Variants in SGSH observed in about 807,000 individuals in gnomAD.
SGSH encodes the protein heparan sulfate sulfatase.
In SGSH, 48 loss-of-function variants were observed where a neutral mutation model predicts 51.0. The observed-to-expected ratio is 0.94, with a 90% confidence interval of 0.75 to 1.20. SGSH has a LOEUF of 1.20. Among genes scored for constraint, SGSH ranks in the 50% most tolerant of loss-of-function variants. SGSH has a pLI of 0.00. For missense variants in SGSH, 662 were observed against 717.8 expected (o/e 0.92, Z 0.89); for synonymous variants, 321 against 313.4 (o/e 1.02, Z -0.26).
rs763466630 is a variant in SGSH at position 80,211,880 on chromosome 17, T to A, written c.949+191A>T. The A allele has an allele frequency of 2.5e-5, 16 of 639,720 alleles. No individual in the cohort carries two copies. In the South Asian group the frequency reaches 2.8e-4, roughly 11 times the overall value. 39.6% of individuals were successfully genotyped at this position (639,720 alleles called of 1,614,324 possible). On this transcript the variant is annotated intron_variant, in intron 7 of 7. Coordinates refer to ENST00000326317, the MANE Select transcript of SGSH (RefSeq NM_000199.5). ...AGCTTAGTGCTTACCAGCTGTGCAA[T>A]CCTGAGCAGCTTACTTCACCTCTCT...
downstream of SGSH, chr17:80,204,588 C>T (rs942276231): frequency 1.9e-5 from 8 of 416,020 alleles, no homozygotes; most frequent in Admixed American, 2.6e-4. Flanking sequence ...GGTGCCATTG[C>T]ACTCCAGCCT....
intron 2 of SGSH, chr17:80,216,718 C>T: frequency 2.3e-6 from 1 of 433,948 alleles, no homozygotes; most frequent in Non-Finnish European, 4.3e-6. Flanking sequence ...ACATACAAAG[C>T]ATTAGCCCCG....
chr17:80,212,498 G>T lies in SGSH; in HGVS notation c.746-224C>A. 1 of 598,586 alleles carries T rather than the reference G, an allele frequency of 1.7e-6. No homozygotes were observed. 37.1% of individuals were successfully genotyped at this position (598,586 alleles called of 1,614,324 possible). ...AGCAGGCCTCGAATGGGCCTCCAGG[G>T]ACTCCAGCCATCCCTTGGCACTTCT... On this transcript the variant is annotated intron_variant, in intron 6 of 7. Transcript: ENST00000326317. This position sits in a 1 kb window ranked among gnomAD's most constrained non-coding sequence, Gnocchi z 5.9.
chr17:80,218,615 G>A (rs6565649), intron 1 of SGSH, among the ~76,000 whole-genome samples: 72,247 of 152,120 alleles, frequency 0.47, 18,484 homozygotes, highest in African/African-American at 0.66. Context: ...TGGCAGCCAC[G>A]TAAACCTGGA....
Position 80,215,156 on chromosome 17 carries a change from T to G in SGSH, c.250-18A>C. The G allele has an allele frequency of 6.3e-7, 1 of 1,599,220 alleles. No homozygotes were observed. Among genetic ancestry groups the G allele is most frequent in the Non-Finnish European group, 8.5e-7 (1 of 1,172,176 alleles). Reference sequence around the variant, plus strand: ...TTCTGATGCTGCCAGCAAAGGCGCATGAGGTCCGGGGCCCCCGGACAGCCA... The same window carrying G: ...TTCTGATGCTGCCAGCAAAGGCGCAGGAGGTCCGGGGCCCCCGGACAGCCA... On this transcript the variant is annotated intron_variant, in intron 2 of 7. Transcript: ENST00000326317.
downstream of SGSH, among the ~76,000 whole-genome samples, chr17:80,207,360 G>A (rs1431100473): frequency 6.6e-6 from 1 of 152,188 alleles, no homozygotes; most frequent in Non-Finnish European, 1.5e-5. Flanking sequence ...AGACCAGCCT[G>A]GCCAACATGG....
the SGSH span, chr17:80,201,592 GGTGT>G: frequency 1.3e-6 from 1 of 758,706 alleles, no homozygotes; most frequent in East Asian, 2.4e-5. The surrounding 1 kb of genome is among the most constrained non-coding windows in gnomAD (Gnocchi z 5.0). Context: ...CAGAGGCTCT[GGTGT>G]GTGGCTTTGT....
At chr17:80,208,140 AGGGCCTACAGCGGTT>A, downstream of SGSH, 4 of 1,536,548 alleles carry the variant, frequency 2.6e-6, no homozygotes, top group East Asian at 9.9e-5. Context: ...CTGTGCAGGA[AGGGCCTACAGCGGTT>A]GGGCACCTCA....
At chr17:80,208,663 C>T (rs2041488696), downstream of SGSH, 4 of 281,240 alleles carry the variant, frequency 1.4e-5, no homozygotes, top group South Asian at 4.8e-4. Context: ...GAACCGGAGG[C>T]CCCGGACTTC....
At chr17:80,208,498 C>T, downstream of SGSH, 3 of 643,584 alleles carry the variant, frequency 4.7e-6, no homozygotes, top group Non-Finnish European at 2.6e-6. Flanking sequence ...TGAACCCTCA[C>T]CACGTGCAGG....
At chr17:80,214,124 C>A in intron 5 of SGSH, 48 bp downstream of exon 5, 1 of 1,570,744 alleles carries the variant, frequency 6.4e-7, no homozygotes, top group East Asian at 2.3e-5. Flanking sequence ...CCAGGGTCCC[C>A]GACCCAGGGC....
At position 80,213,761 on chromosome 17, in the gene SGSH, C is replaced by T. The variant is rs1172302407; in HGVS notation, c.745+43G>A. The T allele has an allele frequency of 6.5e-7, 1 of 1,527,042 alleles. No homozygotes were observed. The highest frequency in any genetic ancestry group is 1.2e-5 in the South Asian group (1 of 85,262). The allele number at this position is 1,527,042 out of a possible 1,614,324, so 94.6% of individuals were successfully genotyped here. A position where few individuals can be genotyped will look rare whatever the true frequency, so the allele number is the denominator to read the frequency against. On this transcript the variant is annotated intron_variant, in intron 6 of 7. Coordinates refer to ENST00000326317, the MANE Select transcript of SGSH (RefSeq NM_000199.5). The surrounding 1 kb of genome is among the most constrained non-coding windows in gnomAD (Gnocchi z 4.6). ...GGGCGCTGGCCCAGGATGGGGGACC[C>T]CGGCCGTGGCACCCCCTCCAGTGCC...
At chr17:80,203,776 A>G, downstream of SGSH, 1 of 1,501,020 alleles carries the variant, frequency 6.7e-7, no homozygotes. This position sits in a 1 kb window ranked among gnomAD's most constrained non-coding sequence, Gnocchi z 4.6. Flanking sequence ...TGCCCTGCTC[A>G]CCTGGCAGGA....
At chr17:80,216,761 C>T (rs941147096) in intron 2 of SGSH, 51 of 529,866 alleles carry the variant, frequency 9.6e-5, no homozygotes, top group Admixed American at 9.5e-5. Context: ...CATCTCATTA[C>T]ACCCACCATC....
rs2144736428 is a variant in SGSH at position 80,213,883 on chromosome 17, C to T, written c.666G>A (p.Val222=). 1 of 1,606,698 alleles carries T rather than the reference C, an allele frequency of 6.2e-7. No individual in the cohort carries two copies. Among genetic ancestry groups the T allele is most frequent in the Non-Finnish European group, 8.5e-7 (1 of 1,179,078 alleles). ...PQAYDPLDVL[V]PYFVPNTPAA... is the part of the protein sequence containing the mutation. ...CCGGGGTGTTGGGGACGAAGTAAGG[C>T]ACCTGGGGCAGGCGGTGGGGAGCCA... Residue 222 remains valine (V), a splice_region_variant and synonymous_variant, in exon 6 of 8, where the codon GTG becomes GTA. Coordinates refer to ENST00000326317, the MANE Select transcript of SGSH (RefSeq NM_000199.5). This position sits in a 1 kb window ranked among gnomAD's most constrained non-coding sequence, Gnocchi z 4.6.
rs757723989 is a variant in SGSH, at chr17:80,210,908, C to T, written c.1053G>A (p.Ala351=). The T allele has an allele frequency of 5.0e-6, 8 of 1,610,684 alleles. No homozygotes were observed. The Admixed American group carries it at 6.7e-5, about 13-fold the overall frequency. Residue 351 remains alanine (A), a synonymous_variant, in exon 8 of 8, where the codon GCG becomes GCA. Transcript: ENST00000326317. ...IHLTGRSLLP[A]LEAEPLWATV... Reference sequence around the variant, plus strand: ...TGGCCCAGAGGGGCTCGGCCTCCAGCGCCGGCAGGAGGGACCGGCCAGTGA... The same window carrying T: ...TGGCCCAGAGGGGCTCGGCCTCCAGTGCCGGCAGGAGGGACCGGCCAGTGA...
chr17:80,204,080 G>A (rs2041139861), downstream of SGSH: 1 of 866,756 alleles, frequency 1.2e-6, no homozygotes, highest in Admixed American at 2.8e-5. Flanking sequence ...TCTTGCACAA[G>A]TGCAGACACA....
downstream of SGSH, chr17:80,204,963 C>A: frequency 7.5e-7 from 1 of 1,340,484 alleles, no homozygotes; most frequent in South Asian, 1.5e-5. Flanking sequence ...AGACCCAGTC[C>A]CTCCCGGGGC....
At chr17:80,211,191 G>T (rs1269525046) in intron 7 of SGSH, 180 bp from the exon 8 acceptor site, 1 of 1,480,086 alleles carries the variant, frequency 6.8e-7, no homozygotes, top group Non-Finnish European at 8.9e-7. Flanking sequence ...TCAGTGCCTT[G>T]AATGGTATAA....
Sources: allele counts gnomAD v4.1 joint callset (sites outside exome capture counted in the v4.1 genomes callset), GRCh38; gene constraint gnomAD v4.1.1; non-coding constraint Gnocchi (gnomAD v3.1); transcripts MANE v1.5; gene names NCBI Gene and HGNC (gene_info 2026-07-23, HGNC 2026-07-21).